The following SERINC5 variants were observed in gnomAD, a reference collection of about 807,000 sequenced individuals.
The protein encoded by SERINC5 is chromosome 5 open reading frame 12.
Under a neutral mutation model 63.1 loss-of-function variants are expected in SERINC5, and 41 were observed. The observed-to-expected ratio is 0.65, with a 90% CI of 0.51 to 0.84. The LOEUF (loss-of-function observed/expected upper bound fraction) is 0.84, where lower values mean the gene tolerates loss of function less well. Among genes scored for constraint, SERINC5 ranks in the 40% least tolerant of loss-of-function variants. The pLI, the probability that SERINC5 is intolerant of heterozygous loss-of-function variation, is 0.00. For synonymous variants in SERINC5, 222 were observed against 215.2 expected (o/e 1.03, Z -0.28); for missense variants, 523 against 573.0 (o/e 0.91, Z 0.89).
At chr5:80,168,711 T>C (rs1354430580) in intron 6 of SERINC5, among the ~76,000 whole-genome samples, 1 of 152,228 alleles carries the variant, frequency 6.6e-6, no homozygotes, top group East Asian at 1.9e-4. Context: ...AGTTTATAAA[T>C]GGCAATTCAC....
intron 1 of SERINC5, among the ~76,000 whole-genome samples, chr5:80,247,075 C>T (rs933482774): frequency 6.6e-6 from 1 of 152,182 alleles, no homozygotes; most frequent in Non-Finnish European, 1.5e-5. Flanking sequence ...GGTATGGCCA[C>T]TTAAAGTACT....
intron 1 of SERINC5, among the ~76,000 whole-genome samples, chr5:80,217,615 T>C (rs1449231326): frequency 1.3e-5 from 2 of 152,192 alleles, no homozygotes; most frequent in African/African-American, 2.4e-5. Flanking sequence ...GTAACACATA[T>C]GGATGCAGTA....
intron 1 of SERINC5, among the ~76,000 whole-genome samples, chr5:80,243,799 T>C (rs1197253866): frequency 6.8e-6 from 1 of 147,408 alleles, no homozygotes; most frequent in Non-Finnish European, 1.5e-5. Flanking sequence ...CAAAATAAAA[T>C]AAGCAAGCAG....
In SERINC5 at chr5:80,230,459, A is replaced by AAAAAAAAAT. The variant is rs70982042; in HGVS notation, c.27+25436_27+25437insATTTTTTTT. On this transcript the variant is annotated intron_variant, in intron 1 of 11. Transcript: ENST00000507668. ...CAAGACTGTCACAAAAAAAAAAAAA[A>AAAAAAAAAT]AAAGAAACCATTGCTCTTCAAATTT... is the stretch of plus-strand genomic sequence containing the variant. Among the ~76,000 whole-genome samples, 3 of 128,618 alleles carry AAAAAAAAAT rather than the reference A, an allele frequency of 2.3e-5. 1 individual carries two copies. The highest frequency in any genetic ancestry group is 1.7e-4 in the Admixed American group (2 of 12,110). The allele number at this position is 128,618 out of a possible 152,430, so 84.4% of individuals were successfully genotyped here. A position where few individuals can be genotyped will look rare whatever the true frequency, so the allele number is the denominator to read the frequency against.
chr5:80,194,383 T>C (rs1467681217), intron 2 of SERINC5, among the ~76,000 whole-genome samples: 3 of 152,286 alleles, frequency 2.0e-5, no homozygotes, highest in Admixed American at 2.0e-4. Context: ...AGCCAGACTC[T>C]CCAGCTTCAG....
chr5:80,173,328 G>A (rs991871245), intron 5 of SERINC5, among the ~76,000 whole-genome samples: 1 of 152,122 alleles, frequency 6.6e-6, no homozygotes, highest in Non-Finnish European at 1.5e-5. Flanking sequence ...GGGTGCAGTG[G>A]CTCACGCCTG....
chr5:80,158,471 C>T (rs1369596240), intron 8 of SERINC5: 2 of 200,218 alleles, frequency 1.0e-5, no homozygotes, highest in African/African-American at 4.6e-5. Flanking sequence ...ATCTCTTCTT[C>T]ACTTTGTGCT....
intron 2 of SERINC5, among the ~76,000 whole-genome samples, chr5:80,193,745 T>C (rs1749337410): frequency 6.6e-6 from 1 of 152,180 alleles, no homozygotes; most frequent in East Asian, 1.9e-4. Context: ...TTCCCACCAC[T>C]ACTTCCCGAC....
chr5:80,135,721 G>A (rs1319596363), downstream of SERINC5, among the ~76,000 whole-genome samples: 1 of 151,920 alleles, frequency 6.6e-6, no homozygotes, highest in Non-Finnish European at 1.5e-5. Context: ...CTTTATTGTG[G>A]CGAGTTCAAG....
At chr5:80,163,108 C>A (rs916725356) in intron 7 of SERINC5, among the ~76,000 whole-genome samples, 5 of 151,658 alleles carry the variant, frequency 3.3e-5, no homozygotes, top group Non-Finnish European at 5.9e-5. Flanking sequence ...ACCCACCCTG[C>A]CCTCCCAAAG....
chr5:80,165,613 G>A (rs1363322596), intron 7 of SERINC5, among the ~76,000 whole-genome samples: 1 of 152,160 alleles, frequency 6.6e-6, no homozygotes, highest in African/African-American at 2.4e-5. Context: ...ATGTTCTGTT[G>A]TCTCTGTAAA....
At chr5:80,215,451 A>G (rs1157886854) in intron 1 of SERINC5, among the ~76,000 whole-genome samples, 2 of 152,238 alleles carry the variant, frequency 1.3e-5, no homozygotes, top group African/African-American at 4.8e-5. Flanking sequence ...AGTCTCAGGT[A>G]TTTCTTTATA....
At chr5:80,149,363 A>G (rs1422623440) in intron 9 of SERINC5, among the ~76,000 whole-genome samples, 1 of 118,980 alleles carries the variant, frequency 8.4e-6, no homozygotes, top group Non-Finnish European at 1.7e-5. Flanking sequence ...TAGGCAACAG[A>G]AAGAGTTGGT....
At chr5:80,204,806 A>G (rs764922394) in intron 1 of SERINC5, among the ~76,000 whole-genome samples, 9 of 152,250 alleles carry the variant, frequency 5.9e-5, no homozygotes, top group Non-Finnish European at 1.0e-4. Flanking sequence ...AGTTAAGGCT[A>G]GTCCTCAGAG....
chr5:80,242,766 T>TA (rs1752003725), intron 1 of SERINC5, among the ~76,000 whole-genome samples: 1 of 151,822 alleles, frequency 6.6e-6, no homozygotes, highest in African/African-American at 2.4e-5. Context: ...ATATATAACA[T>TA]AAAAAAAGTA....
intron 11 of SERINC5, among the ~76,000 whole-genome samples, chr5:80,133,527 A>T (rs139418834): frequency 9.2e-5 from 14 of 152,334 alleles, no homozygotes; most frequent in African/African-American, 3.4e-4. Context: ...GAGATAAACT[A>T]AAGAGGGAAA....
chr5:80,165,966 T>C (rs1457020389), intron 7 of SERINC5, among the ~76,000 whole-genome samples: 2 of 152,224 alleles, frequency 1.3e-5, no homozygotes, highest in Non-Finnish European at 2.9e-5. Flanking sequence ...TTTTTTAACT[T>C]AATTTTTGTG....
chr5:80,173,846 T>A (rs1747841001), intron 5 of SERINC5, among the ~76,000 whole-genome samples: 1 of 152,080 alleles, frequency 6.6e-6, no homozygotes, highest in Non-Finnish European at 1.5e-5. Context: ...CCTCCCTTTT[T>A]AAGGCCCTCT....
At chr5:80,197,363 G>A (rs1022145671) in intron 2 of SERINC5, among the ~76,000 whole-genome samples, 2 of 75,384 alleles carry the variant, frequency 2.7e-5, no homozygotes, top group Non-Finnish European at 5.7e-5. Flanking sequence ...GAGAGAGAGA[G>A]AACGGACCAG....
Sources: allele counts gnomAD v4.1 joint callset (sites outside exome capture counted in the v4.1 genomes callset), GRCh38; gene constraint gnomAD v4.1.1; transcripts MANE v1.5; gene names NCBI Gene and HGNC (gene_info 2026-07-23, HGNC 2026-07-21).